The following SOD2 variants were observed in gnomAD, a reference collection of about 807,000 sequenced individuals.
SOD2 encodes superoxide dismutase 2.
A neutral mutation model predicts 27.0 loss-of-function variants in SOD2; 11 were observed. The observed-to-expected ratio is 0.41, with a 90% CI of 0.26 to 0.67. The LOEUF is 0.67. SOD2 is among the 30% of genes least tolerant of loss of function. The probability of loss-of-function intolerance (pLI) is 0.34; values close to 1 mark genes in which losing one functional copy is unlikely to be tolerated. For synonymous variants in SOD2, 105 were observed against 103.0 expected, an observed-to-expected ratio of 1.02 and a Z score of -0.12; for missense variants, 250 against 274.5, an observed-to-expected ratio of 0.91 and a Z score of 0.63.
upstream of SOD2, among the ~76,000 whole-genome samples, chr6:159,730,441 C>T (rs1478127251): frequency 2.6e-5 from 4 of 151,296 alleles, no homozygotes; most frequent in South Asian, 2.1e-4. Context: ...TTGTCATTTG[C>T]GCTAAAAAAA....
At chr6:159,752,775 A>G (rs2114956897) in intron 1 of SOD2, among the ~76,000 whole-genome samples, 1 of 152,176 alleles carries the variant, frequency 6.6e-6, no homozygotes, top group Non-Finnish European at 1.5e-5. Flanking sequence ...CTTTTTTGAG[A>G]CAGGGTCCCT....
chr6:159,685,750 T>A (rs1780160741), intron 3 of SOD2, among the ~76,000 whole-genome samples: 1 of 151,906 alleles, frequency 6.6e-6, no homozygotes, highest in African/African-American at 2.4e-5. Context: ...TACTCCATGT[T>A]TAGCTTCCAC....
At chr6:159,683,126 A>G (rs1055414418) in intron 4 of SOD2, among the ~76,000 whole-genome samples, 1 of 152,212 alleles carries the variant, frequency 6.6e-6, no homozygotes, top group Non-Finnish European at 1.5e-5. Flanking sequence ...TGGAGGACAC[A>G]GTGTTTTCAG....
chr6:159,727,344 C>T (rs573702822), exon 1 of SOD2: 3 of 1,219,300 alleles, frequency 2.5e-6, no homozygotes, highest in Non-Finnish European at 3.1e-6. Flanking sequence ...GTGAGTGGGC[C>T]AGAAGGCGAA....
chr6:159,727,743 C>T (rs1337540171), upstream of SOD2: 2 of 981,454 alleles, frequency 2.0e-6, no homozygotes, highest in South Asian at 4.8e-5. Flanking sequence ...CGCGGGGGAC[C>T]TCCGGGGCCT....
intron 1 of SOD2, among the ~76,000 whole-genome samples, chr6:159,719,300 G>A (rs1371050674): frequency 1.3e-5 from 2 of 152,112 alleles, no homozygotes; most frequent in African/African-American, 2.4e-5. Flanking sequence ...AGAGGCAGGT[G>A]GATCACGAGG....
chr6:159,734,403 C>G (rs757899965), intron 1 of SOD2, among the ~76,000 whole-genome samples: 7 of 149,560 alleles, frequency 4.7e-5, no homozygotes, highest in Non-Finnish European at 8.9e-5. Flanking sequence ...TTCAGTTTAA[C>G]ATACCAAGCT....
chr6:159,706,233 C>T (rs1777624647), intron 1 of SOD2, among the ~76,000 whole-genome samples: 1 of 152,190 alleles, frequency 6.6e-6, no homozygotes, highest in Non-Finnish European at 1.5e-5. Context: ...AACCAGCGAA[C>T]ATCCTAGTGA....
chr6:159,758,819 G>A (rs934928250), intron 1 of SOD2, among the ~76,000 whole-genome samples: 1 of 152,194 alleles, frequency 6.6e-6, no homozygotes, highest in African/African-American at 2.4e-5. Flanking sequence ...AATCCAGCCT[G>A]TAGCAAAGAC....
At chr6:159,753,476 T>C (rs1244145018) in intron 1 of SOD2, 2 of 1,614,082 alleles carry the variant, frequency 1.2e-6, no homozygotes, top group African/African-American at 2.7e-5. Context: ...AGGGAAAAAG[T>C]TAATGGCGAA....
chr6:159,696,501 G>C (rs1345737494), upstream of SOD2, among the ~76,000 whole-genome samples: 2 of 151,712 alleles, frequency 1.3e-5, no homozygotes, highest in Admixed American at 6.6e-5. Context: ...TGTATTTTTA[G>C]TGGAGATGGG....
chr6:159,746,459 T>G (rs375556480), upstream of SOD2, among the ~76,000 whole-genome samples: 9 of 152,286 alleles, frequency 5.9e-5, no homozygotes, highest in East Asian at 1.7e-3. Flanking sequence ...AAATAAAATA[T>G]ACATCCTTAG....
upstream of SOD2, chr6:159,727,825 C>G: frequency 1.5e-6 from 1 of 681,194 alleles, no homozygotes; most frequent in Non-Finnish European, 1.8e-6. Flanking sequence ...GGGCCTGGTG[C>G]GGCACCGGTC....
At chr6:159,758,878 G>T (rs1397755879) in intron 1 of SOD2, among the ~76,000 whole-genome samples, 2 of 152,048 alleles carry the variant, frequency 1.3e-5, no homozygotes, top group Non-Finnish European at 2.9e-5. Flanking sequence ...AAGAATGATT[G>T]CATCTTCCAG....
At chr6:159,753,624 T>G in intron 1 of SOD2, 3 of 1,590,552 alleles carry the variant, frequency 1.9e-6, no homozygotes, top group Non-Finnish European at 1.7e-6. Context: ...GGTAAGGGGT[T>G]TGTTTCTTTT....
At chr6:159,753,305 A>G in intron 1 of SOD2, 1 of 1,094,450 alleles carries the variant, frequency 9.1e-7, no homozygotes. Flanking sequence ...AATGCAGAAG[A>G]TGGATGTGTC....
intron 1 of SOD2, among the ~76,000 whole-genome samples, chr6:159,724,845 C>A (rs1213369773): frequency 7.7e-6 from 1 of 129,492 alleles, no homozygotes; most frequent in Non-Finnish European, 1.6e-5. Context: ...GAGTCAGACC[C>A]TGTTCTCAAA....
chr6:159,686,999 T>C (rs952771013), intron 3 of SOD2, among the ~76,000 whole-genome samples: 32 of 152,186 alleles, frequency 2.1e-4, no homozygotes, highest in Non-Finnish European at 5.9e-5. Context: ...TGAACACTTT[T>C]TAAAAATACC....
chr6:159,753,361 A>T lies in SOD2; in HGVS notation c.-335-4685T>A, dbSNP rs1779889673. The T allele has an allele frequency of 5.3e-6, 8 of 1,508,652 alleles. 1 individual carries two copies. The South Asian group carries it at 8.1e-5, about 15-fold the overall frequency. The allele number at this position is 1,508,652 out of a possible 1,614,324, so 93.5% of individuals were successfully genotyped here. ...TATGGGGAAGCATCTGCTGTGATAT[A>T]GTTATGTTTGTATGTGTTACATCTA... On this transcript the variant is annotated intron_variant, in intron 1 of 7. Transcript: ENST00000546087.
Sources: allele counts gnomAD v4.1 joint callset (sites outside exome capture counted in the v4.1 genomes callset), GRCh38; gene constraint gnomAD v4.1.1; transcripts MANE v1.5; gene names NCBI Gene and HGNC (gene_info 2026-07-23, HGNC 2026-07-21).